UVRAG: variants seen among roughly 807,000 people sequenced by gnomAD.
The protein encoded by UVRAG is UV radiation resistance-associated gene protein.
A neutral mutation model predicts 78.0 loss-of-function variants in UVRAG; 19 were observed. That is an observed-to-expected ratio of 0.24 (90% CI 0.17 to 0.36). The LOEUF is 0.36. Among genes scored for constraint, UVRAG ranks in the 10% least tolerant of loss-of-function variants. UVRAG has a pLI of 1.00. For missense variants in UVRAG, 740 were observed against 853.8 expected (o/e 0.87, Z 1.66); for synonymous variants, 323 against 324.6 (o/e 1.00, Z 0.05).
At chr11:75,951,330 T>C (rs1355092352) in intron 6 of UVRAG, among the ~76,000 whole-genome samples, 4 of 34,786 alleles carry the variant, frequency 1.1e-4, no homozygotes, top group Non-Finnish European at 2.4e-4. Context: ...CTGAAATGTG[T>C]GTGTGTGTGT....
chr11:75,975,791 A>G (rs932302112), intron 7 of UVRAG, among the ~76,000 whole-genome samples: 8 of 152,334 alleles, frequency 5.3e-5, no homozygotes, highest in Admixed American at 2.0e-4. Flanking sequence ...TTTTCTAAAT[A>G]TACAATCATG....
chr11:76,039,140 A>G (rs530143275), intron 12 of UVRAG, among the ~76,000 whole-genome samples: 4 of 152,306 alleles, frequency 2.6e-5, no homozygotes, highest in South Asian at 4.1e-4. Flanking sequence ...TGATCACCCT[A>G]TGTGCCTTAC....
At chr11:75,908,635 A>G (rs1000872723) in intron 5 of UVRAG, among the ~76,000 whole-genome samples, 1 of 138,226 alleles carries the variant, frequency 7.2e-6, no homozygotes, top group Non-Finnish European at 1.5e-5. Context: ...CCTTGCTTTT[A>G]TGTTTTTTGA....
rs186168296 is a variant in UVRAG, at chr11:75,917,281, T to C, written c.593+5242T>C. ...AAGGTGGTTTTACTTTCAAAGTTGC[T>C]TTTGTTAATTCTAAACAGTCATAAT... On this transcript the variant is annotated intron_variant, in intron 6 of 14. Transcript: ENST00000356136. 3.9e-5 allele frequency among the ~76,000 whole-genome samples: 6 copies of C among 152,376 alleles called. No homozygotes were observed. In the East Asian group the frequency reaches 1.2e-3, roughly 29 times the overall value.
At position 76,008,790 on chromosome 11, in the gene UVRAG, T is replaced by C. The variant is rs1273682851; in HGVS notation, c.1000-17T>C. On this transcript the variant is annotated splice_polypyrimidine_tract_variant and intron_variant, in intron 10 of 14. Transcript: ENST00000356136. The stretch of plus-strand genomic sequence containing the variant: ...TTTGCTTTATTTATTAATTTTATTC[T>C]TTAATTAAATTCACAGAATGAACAT... 1.4e-6 allele frequency: 2 copies of C among 1,393,008 alleles called. No homozygotes were observed. The highest frequency in any genetic ancestry group is 4.5e-5 in the Admixed American group (2 of 44,738). The allele number at this position is 1,393,008 out of a possible 1,614,324, so 86.3% of individuals were successfully genotyped here.
intron 4 of UVRAG, among the ~76,000 whole-genome samples, chr11:75,884,212 G>GTCTCTCTCTCTCTCTCTCTCTCTC (rs138821865): frequency 2.8e-5 from 4 of 144,090 alleles, no homozygotes; most frequent in African/African-American, 1.1e-4. Context: ...TTTGAGATCA[G>GTCTCTCTCTCTCTCTCTCTCTCTC]TCTCTCTCTC....
chr11:75,954,641 ACATTAGG>A (rs1265450334), intron 6 of UVRAG, among the ~76,000 whole-genome samples: 1 of 152,214 alleles, frequency 6.6e-6, no homozygotes, highest in Non-Finnish European at 1.5e-5. Context: ...TTATGTTCAG[ACATTAGG>A]CATTAAGCCA....
At chr11:75,856,152 G>A (rs1280032281) in intron 2 of UVRAG, among the ~76,000 whole-genome samples, 1 of 152,030 alleles carries the variant, frequency 6.6e-6, no homozygotes, top group East Asian at 1.9e-4. Flanking sequence ...ACCACGCCCA[G>A]CTAATTTTTT....
intron 12 of UVRAG, among the ~76,000 whole-genome samples, chr11:76,060,785 C>T (rs368287910): frequency 6.6e-6 from 1 of 152,244 alleles, no homozygotes; most frequent in East Asian, 1.9e-4. Context: ...CTCGCCAGGC[C>T]TCAGCTGCCT....
At chr11:75,896,624 C>T (rs1365702718) in intron 5 of UVRAG, among the ~76,000 whole-genome samples, 1 of 152,202 alleles carries the variant, frequency 6.6e-6, no homozygotes, top group Non-Finnish European at 1.5e-5. Flanking sequence ...TGTATTAACA[C>T]TATATCTCTA....
chr11:76,108,104 A>G (rs143382747), intron 13 of UVRAG, among the ~76,000 whole-genome samples: 1 of 152,278 alleles, frequency 6.6e-6, no homozygotes, highest in African/African-American at 2.4e-5. Flanking sequence ...CAAACATATC[A>G]TGCAGCTTAG....
intron 12 of UVRAG, among the ~76,000 whole-genome samples, chr11:76,036,193 T>C (rs1950530979): frequency 6.6e-6 from 1 of 152,210 alleles, no homozygotes; most frequent in South Asian, 2.1e-4. Flanking sequence ...TTGACAAAAC[T>C]GAAGCAAAGG....
At chr11:76,139,462 A>G (rs1262397592) in intron 14 of UVRAG, among the ~76,000 whole-genome samples, 1 of 152,158 alleles carries the variant, frequency 6.6e-6, no homozygotes, top group Non-Finnish European at 1.5e-5. Flanking sequence ...ACATATGGGA[A>G]CTATTTGTTG....
chr11:75,856,569 C>G (rs1424846769), intron 2 of UVRAG, among the ~76,000 whole-genome samples: 1 of 152,086 alleles, frequency 6.6e-6, no homozygotes, highest in Non-Finnish European at 1.5e-5. Flanking sequence ...CTCAGCCTCC[C>G]GAGTAGCTGG....
At chr11:75,883,216 G>T (rs922119543) in intron 4 of UVRAG, among the ~76,000 whole-genome samples, 3 of 152,078 alleles carry the variant, frequency 2.0e-5, no homozygotes, top group African/African-American at 7.2e-5. Flanking sequence ...GGCTAGTGAA[G>T]ATGGGTTTCA....
At chr11:76,097,229 G>A (rs1591234308) in intron 13 of UVRAG, among the ~76,000 whole-genome samples, 1 of 151,914 alleles carries the variant, frequency 6.6e-6, no homozygotes, top group East Asian at 1.9e-4. Flanking sequence ...GACTTCTCTG[G>A]GGCACCTGGA....
intron 3 of UVRAG, among the ~76,000 whole-genome samples, chr11:75,866,363 A>G (rs1475443764): frequency 1.4e-5 from 2 of 148,098 alleles, no homozygotes; most frequent in African/African-American, 5.2e-5. Context: ...TCTACAATAA[A>G]TAAATAAATA....
intron 2 of UVRAG, among the ~76,000 whole-genome samples, chr11:75,861,127 G>T (rs939958408): frequency 3.9e-5 from 6 of 152,150 alleles, no homozygotes; most frequent in African/African-American, 1.4e-4. Context: ...ATGAAGGCTT[G>T]TAGAGTCATG....
chr11:76,019,770 G>A (rs576712779), intron 12 of UVRAG, among the ~76,000 whole-genome samples: 1 of 152,286 alleles, frequency 6.6e-6, no homozygotes, highest in Admixed American at 6.5e-5. Flanking sequence ...GATTTCCCTG[G>A]TTCAGACCTG....
Sources: allele counts gnomAD v4.1 joint callset (sites outside exome capture counted in the v4.1 genomes callset), GRCh38; gene constraint gnomAD v4.1.1; transcripts MANE v1.5; gene names NCBI Gene and HGNC (gene_info 2026-07-23, HGNC 2026-07-21).